The following PPARGC1B variants were observed in gnomAD, a reference collection of about 807,000 sequenced individuals.
PPARGC1B encodes the protein peroxisome proliferator-activated receptor gamma coactivator 1-beta.
In PPARGC1B, 34 loss-of-function variants were observed where a neutral mutation model predicts 101.6. That is an observed-to-expected ratio of 0.33 (90% CI 0.25 to 0.45). The LOEUF (loss-of-function observed/expected upper bound fraction) is 0.45, where lower values mean the gene tolerates loss of function less well. Among genes scored for constraint, PPARGC1B ranks in the 20% least tolerant of loss-of-function variants. The probability of loss-of-function intolerance (pLI) is 1.00; values close to 1 mark genes in which losing one functional copy is unlikely to be tolerated. For synonymous variants in PPARGC1B, 548 were observed against 539.3 expected (o/e 1.02, Z -0.22); for missense variants, 1,234 against 1,317.6 (o/e 0.94, Z 0.98).
At chr5:149,741,554 C>G (rs1282849088) in intron 1 of PPARGC1B, among the ~76,000 whole-genome samples, 2 of 152,076 alleles carry the variant, frequency 1.3e-5, no homozygotes, top group Non-Finnish European at 2.9e-5. Context: ...CACTATCCAT[C>G]TATTTGTCAA....
rs569051914 is a variant in PPARGC1B, at chr5:149,854,313, G to C, written c.*6755G>C. 61 of 152,008 alleles carry C rather than the reference G, an allele frequency of 4.0e-4. No individual in the cohort carries two copies. The highest frequency in any genetic ancestry group is 1.4e-3 in the African/African-American group (57 of 41,408). 9.4% of individuals were successfully genotyped at this position (152,008 alleles called of 1,614,324 possible). Reference sequence around the variant, plus strand: ...TACGGCCTGAGTGCGTGAGTGTAAGGCTGTGTTTGTGGTGGGGGTGTGTGT... The same window carrying C: ...TACGGCCTGAGTGCGTGAGTGTAAGCCTGTGTTTGTGGTGGGGGTGTGTGT... On this transcript the variant is annotated 3_prime_UTR_variant, in exon 12 of 12. Transcript: ENST00000309241.
intron 1 of PPARGC1B, among the ~76,000 whole-genome samples, chr5:149,796,968 C>T (rs1757241612): frequency 6.6e-6 from 1 of 152,206 alleles, no homozygotes; most frequent in Admixed American, 6.5e-5. Context: ...TTGTTTTGCT[C>T]CGAGACAGCC....
intron 1 of PPARGC1B, among the ~76,000 whole-genome samples, chr5:149,781,919 A>G (rs967701887): frequency 3.9e-5 from 6 of 152,178 alleles, no homozygotes; most frequent in Non-Finnish European, 7.3e-5. Flanking sequence ...TTCCTTAGTA[A>G]AGAAAAACAA....
rs1362309295 is a variant in PPARGC1B at position 149,820,492 on chromosome 5, G to C, written c.138G>C (p.Gln46His). The C allele has an allele frequency of 1.9e-6, 3 of 1,613,942 alleles. No individual in the cohort carries two copies. The African/African-American group carries it at 4.0e-5, about 22-fold the overall frequency. ...YADFPELDLSQLDASDFDSAT... is the reference protein window; with the variant it reads ...YADFPELDLSHLDASDFDSAT... The stretch of plus-strand genomic sequence containing the variant: ...ACTTTCCAGAACTTGACCTCTCCCA[G>C]CTGGATGCCAGCGACTTTGACTCGG... The change falls in exon 2 of 12, where the codon CAG becomes CAC. Residue 46 changes from glutamine to histidine, a missense_variant. Transcript: ENST00000309241.
intron 1 of PPARGC1B, among the ~76,000 whole-genome samples, chr5:149,769,747 G>A (rs538180125): frequency 2.0e-5 from 3 of 152,280 alleles, no homozygotes; most frequent in South Asian, 4.1e-4. Flanking sequence ...AGGGGCTCCA[G>A]GAGAGAAGCC....
At chr5:149,776,902 A>G (rs1402292567) in intron 1 of PPARGC1B, among the ~76,000 whole-genome samples, 3 of 152,200 alleles carry the variant, frequency 2.0e-5, no homozygotes, top group Admixed American at 1.3e-4. Flanking sequence ...CACTCTGCAC[A>G]CACATGTGTG....
rs1454135920 is a variant in PPARGC1B, at chr5:149,833,568, C to A, written c.1495C>A (p.Pro499Thr). The A allele has an allele frequency of 6.3e-7, 1 of 1,593,052 alleles. No homozygotes were observed. Among genetic ancestry groups the A allele is most frequent in the Admixed American group, 1.7e-5 (1 of 57,166 alleles). The change falls in exon 5 of 12, where the codon CCC becomes ACC. Residue 499 changes from proline to threonine, a missense_variant. Around this residue, in one of 3 missense-constraint regions of PPARGC1B, gnomAD observed 734 missense variants for 768.4 expected, o/e 0.96. Coordinates refer to ENST00000309241, the MANE Select transcript of PPARGC1B (RefSeq NM_133263.4). This position sits in a 1 kb window ranked among gnomAD's most constrained non-coding sequence, Gnocchi z 4.1. Reference sequence around the variant, plus strand: ...GACATTTGCAGATGAGCCGCTGGTCCCCTCGGAGCCCCAAGGTGCTCTGCC... The same window carrying A: ...GACATTTGCAGATGAGCCGCTGGTCACCTCGGAGCCCCAAGGTGCTCTGCC... ...WLTFADEPLV[P>T]SEPQGALPSL...
intron 2 of PPARGC1B, among the ~76,000 whole-genome samples, chr5:149,825,838 A>G (rs1287896478): frequency 6.6e-6 from 1 of 152,194 alleles, no homozygotes; most frequent in Non-Finnish European, 1.5e-5. Flanking sequence ...CACTGTCATC[A>G]TCATCATCGT....
At position 149,836,608 on chromosome 5, in the gene PPARGC1B, A is replaced by C; in HGVS notation, c.2153A>C (p.His718Pro). The C allele has an allele frequency of 6.2e-7, 1 of 1,613,808 alleles. No individual in the cohort carries two copies. Among genetic ancestry groups the C allele is most frequent in the Middle Eastern group, 1.6e-4 (1 of 6,062 alleles). ...VLRSWEPSGV[H>P]LEDWPQQGAP... ...AGGTCCTGGGAGCCGTCTGGGGTTC[A>C]CCTTGAGGACTGGCCCCAGCAGGGT... The change falls in exon 8 of 12, where the codon CAC (histidine) becomes CCC (proline). Residue 718 changes from histidine to proline, a missense_variant. His to Pro is a moderately conservative substitution (Grantham distance 77). This residue lies in a region of PPARGC1B where 497 missense variants were observed against 529.5 expected (regional missense o/e 0.94). Coordinates refer to ENST00000309241, the MANE Select transcript of PPARGC1B (RefSeq NM_133263.4).
intron 1 of PPARGC1B, among the ~76,000 whole-genome samples, chr5:149,785,853 G>C (rs893391545): frequency 2.6e-5 from 4 of 151,956 alleles, no homozygotes; most frequent in Non-Finnish European, 5.9e-5. Flanking sequence ...CTGCCCAAGG[G>C]TCCAGGACAA....
At position 149,768,441 on chromosome 5, in the gene PPARGC1B, A is replaced by ATTTT. The variant is rs34427591; in HGVS notation, c.78+38038_78+38041dup. Among the ~76,000 whole-genome samples, 376 of 127,514 alleles carry ATTTT rather than the reference A, an allele frequency of 2.9e-3. 6 individuals carry two copies. The highest frequency in any genetic ancestry group is 0.011 in the African/African-American group (365 of 31,978). 83.7% of individuals were successfully genotyped at this position (127,514 alleles called of 152,430 possible). ...AGGCACGTGCCACCATGCCTGGCTA[A>ATTTT]TTTTTTTTTTTTTTTTTTTTGAGAC... On this transcript the variant is annotated intron_variant, in intron 1 of 11. Transcript: ENST00000309241.
At position 149,832,044 on chromosome 5, in the gene PPARGC1B, C is replaced by T. The variant is rs1389698281; in HGVS notation, c.583-612C>T. On this transcript the variant is annotated intron_variant, in intron 4 of 11. Transcript: ENST00000309241. The surrounding 1 kb of genome is among the most constrained non-coding windows in gnomAD (Gnocchi z 4.9). ...CATTCAGGCTGGTCGCGGTGGCTCA[C>T]GCCTGTAATCCCAGCACTTTGGGAG... 1.3e-5 allele frequency among the ~76,000 whole-genome samples: 2 copies of T among 152,184 alleles called. No individual in the cohort carries two copies. Among genetic ancestry groups the T allele is most frequent in the Non-Finnish European group, 2.9e-5 (2 of 68,034 alleles).
At chr5:149,741,184 G>A (rs1478550226) in intron 1 of PPARGC1B, among the ~76,000 whole-genome samples, 1 of 152,200 alleles carries the variant, frequency 6.6e-6, no homozygotes, top group Admixed American at 6.5e-5. Flanking sequence ...TGATTGCCTG[G>A]CAGAACATAG....
chr5:149,836,203 T>C (rs1032611329), intron 7 of PPARGC1B, 60 bp from the exon 8 acceptor site: 1 of 1,402,910 alleles, frequency 7.1e-7, no homozygotes, highest in Admixed American at 2.3e-5. Context: ...ACTTAGGGTC[T>C]TAGTGTCCCT....
chr5:149,832,827 G>A lies in PPARGC1B; in HGVS notation c.754G>A (p.Glu252Lys). The change falls in exon 5 of 12, where the codon GAG (glutamate) becomes AAG (lysine). Residue 252 changes from glutamate to lysine, a missense_variant. Physicochemically the swap from Glu to Lys is moderately conservative, Grantham distance 56. Transcript: ENST00000309241. This position sits in a 1 kb window ranked among gnomAD's most constrained non-coding sequence, Gnocchi z 4.9. ...TGCCAAGGAGGACAAGGAGCCGGGTGAGGACTGCCCGAGCCCCCAGCCAGC... is the reference window on the plus strand; with the variant it reads ...TGCCAAGGAGGACAAGGAGCCGGGTAAGGACTGCCCGAGCCCCCAGCCAGC... ...LPAKEDKEPG[E>K]DCPSPQPAPA... 1.2e-6 allele frequency: 2 copies of A among 1,611,028 alleles called. No individual in the cohort carries two copies. The highest frequency in any genetic ancestry group is 1.7e-6 in the Non-Finnish European group (2 of 1,178,414).
intron 1 of PPARGC1B, among the ~76,000 whole-genome samples, chr5:149,795,100 G>A (rs890062065): frequency 6.6e-6 from 1 of 152,230 alleles, no homozygotes; most frequent in African/African-American, 2.4e-5. Context: ...TGTGGCTAAG[G>A]CTCCCTTTCA....
chr5:149,731,966 A>G (rs1191531632), intron 1 of PPARGC1B, among the ~76,000 whole-genome samples: 3 of 152,082 alleles, frequency 2.0e-5, no homozygotes, highest in Non-Finnish European at 4.4e-5. Flanking sequence ...GGTTCGCGGC[A>G]GAGGCCGGAG....
chr5:149,769,932 G>A (rs1276289820), intron 1 of PPARGC1B, among the ~76,000 whole-genome samples: 1 of 152,094 alleles, frequency 6.6e-6, no homozygotes, highest in Non-Finnish European at 1.5e-5. Flanking sequence ...TCCCATCTCC[G>A]TATTCTGAAC....
At chr5:149,788,277 A>G (rs1756884371) in intron 1 of PPARGC1B, among the ~76,000 whole-genome samples, 1 of 152,282 alleles carries the variant, frequency 6.6e-6, no homozygotes, top group Non-Finnish European at 1.5e-5. Context: ...ATATGAACAG[A>G]CACTTCTCAA....
Sources: gnomAD v4.1 joint callset for allele counts (sites outside exome capture counted in the v4.1 genomes callset) on GRCh38, gnomAD v4.1.1 for gene constraint, gnomAD v4.1.1 regional missense constraint, Gnocchi (gnomAD v3.1) non-coding constraint, MANE v1.5 for transcripts, NCBI Gene and HGNC (gene_info 2026-07-23, HGNC 2026-07-21) for gene names.